Variants in PGM5 observed in about 807,000 individuals in gnomAD.
PGM5 encodes phosphoglucomutase-like protein 5.
PGM5 carries 23 observed loss-of-function variants against 59.2 expected under a neutral mutation model. The ratio of observed to expected loss-of-function variants is 0.39; its 90% CI spans 0.28 to 0.55. The LOEUF (loss-of-function observed/expected upper bound fraction) is 0.55. Among genes scored for constraint, PGM5 ranks in the 20% least tolerant of loss-of-function variants. PGM5 has a pLI of 0.66. For synonymous variants in PGM5, 214 were observed against 286.0 expected, an observed-to-expected ratio of 0.75 and a Z score of 2.54; for missense variants, 574 against 748.3, an observed-to-expected ratio of 0.77 and a Z score of 2.72.
In PGM5 at chr9:68,529,819, T is replaced by C. The variant is rs1825053341; in HGVS notation, c.*163T>C. On this transcript the variant is annotated 3_prime_UTR_variant, in exon 11 of 11. Transcript: ENST00000396396. Reference sequence around the variant, plus strand: ...GGGTGGGAAAAGAAAAAAAATCCATTTGGTTTTGGTTTTGTCCTATTCCTC... The same window carrying C: ...GGGTGGGAAAAGAAAAAAAATCCATCTGGTTTTGGTTTTGTCCTATTCCTC... The C allele has an allele frequency of 5.6e-6, 3 of 536,456 alleles. No individual in the cohort carries two copies. The highest frequency in any genetic ancestry group is 7.7e-5 in the Admixed American group (2 of 25,964). The allele number at this position is 536,456 out of a possible 1,614,324, so 33.2% of individuals were successfully genotyped here.
At chr9:68,504,131 T>A (rs1402902545) in intron 10 of PGM5, among the ~76,000 whole-genome samples, 1 of 152,216 alleles carries the variant, frequency 6.6e-6, no homozygotes, top group Non-Finnish European at 1.5e-5. Flanking sequence ...TTTAATACCA[T>A]TCCACACATC....
At chr9:68,387,965 A>AT (rs1453019558) in intron 4 of PGM5, among the ~76,000 whole-genome samples, 1 of 151,764 alleles carries the variant, frequency 6.6e-6, no homozygotes, top group Non-Finnish European at 1.5e-5. Context: ...AAATTTTTCC[A>AT]TTTTTTCAGC....
chr9:68,434,270 T>C (rs1203518589), intron 6 of PGM5, among the ~76,000 whole-genome samples: 1 of 135,184 alleles, frequency 7.4e-6, no homozygotes, highest in African/African-American at 2.8e-5. Flanking sequence ...TGAGCCAAGA[T>C]TGTGCCACTG....
intron 1 of PGM5, among the ~76,000 whole-genome samples, chr9:68,367,494 T>G (rs4548244): frequency 0.25 from 38,376 of 152,120 alleles, 5,833 homozygotes; most frequent in Admixed American, 0.34. Flanking sequence ...GAGCTCACGG[T>G]GCTTTAAAGT....
chr9:68,415,360 GC>G (rs1195855563), intron 6 of PGM5, among the ~76,000 whole-genome samples: 1 of 149,310 alleles, frequency 6.7e-6, no homozygotes. Context: ...GAAGCCAAAG[GC>G]TGGCAGGATC....
At chr9:68,441,894 CT>C (rs1246920889) in intron 6 of PGM5, among the ~76,000 whole-genome samples, 8 of 152,016 alleles carry the variant, frequency 5.3e-5, no homozygotes, top group Non-Finnish European at 1.0e-4. Flanking sequence ...AAAATCAATA[CT>C]CAGAAGTCAA....
intron 6 of PGM5, among the ~76,000 whole-genome samples, chr9:68,417,481 T>G (rs1823054647): frequency 6.6e-6 from 1 of 152,326 alleles, no homozygotes; most frequent in African/African-American, 2.4e-5. Flanking sequence ...TGATCAATTA[T>G]CCTGGATGAT....
At chr9:68,467,925 C>T (rs1554685950) in intron 7 of PGM5, among the ~76,000 whole-genome samples, 1 of 151,752 alleles carries the variant, frequency 6.6e-6, no homozygotes, top group Non-Finnish European at 1.5e-5. Context: ...TTTCCAAAAA[C>T]TCTATATTCT....
At chr9:68,469,363 A>T (rs2132082226) in intron 7 of PGM5, among the ~76,000 whole-genome samples, 1 of 149,878 alleles carries the variant, frequency 6.7e-6, no homozygotes, top group African/African-American at 2.6e-5. Context: ...TGTTTTTTAA[A>T]AAAAAAATGA....
rs185956038 is a variant in PGM5, at chr9:68,391,466, A to G, written c.698-68A>G. 36 of 1,375,218 alleles carry G rather than the reference A, an allele frequency of 2.6e-5. No homozygotes were observed. In the East Asian group the frequency reaches 8.3e-4, roughly 32 times the overall value. The allele number at this position is 1,375,218 out of a possible 1,614,324, so 85.2% of individuals were successfully genotyped here. The stretch of plus-strand genomic sequence containing the variant: ...GTTATTAAATGGTGTTTCCTGTACT[A>G]TTCAGAACAAAATACTCTGGGGAGA... On this transcript the variant is annotated intron_variant, in intron 4 of 10. Transcript: ENST00000396396.
At chr9:68,525,076 T>G (rs906364819) in intron 10 of PGM5, among the ~76,000 whole-genome samples, 1 of 152,026 alleles carries the variant, frequency 6.6e-6, no homozygotes, top group African/African-American at 2.4e-5. Context: ...CCCAGGAAAA[T>G]TAACTCCCAC....
intron 6 of PGM5, among the ~76,000 whole-genome samples, chr9:68,456,011 G>A (rs1270767346): frequency 6.6e-6 from 1 of 152,202 alleles, no homozygotes; most frequent in Non-Finnish European, 1.5e-5. Flanking sequence ...CTTTCTGATG[G>A]ATAATAGGTT....
At chr9:68,463,244 G>A (rs76659380) in intron 6 of PGM5, among the ~76,000 whole-genome samples, 2,657 of 151,320 alleles carry the variant, frequency 0.018, 26 homozygotes, top group African/African-American at 0.035. Context: ...ACTATGCGGC[G>A]TATTTTATCC....
At chr9:68,420,607 GCTGA>G (rs1406489487) in intron 6 of PGM5, among the ~76,000 whole-genome samples, 2 of 152,178 alleles carry the variant, frequency 1.3e-5, no homozygotes, top group South Asian at 2.1e-4. Context: ...GAATTGAGAG[GCTGA>G]CTATTGCCAG....
chr9:68,422,637 T>A (rs782280288), intron 6 of PGM5, among the ~76,000 whole-genome samples: 8 of 152,082 alleles, frequency 5.3e-5, no homozygotes, highest in Non-Finnish European at 1.0e-4. Flanking sequence ...AGAAGGCATA[T>A]TGTTGATGAG....
At chr9:68,512,703 GC>G (rs1381533318) in intron 10 of PGM5, among the ~76,000 whole-genome samples, 5 of 152,074 alleles carry the variant, frequency 3.3e-5, no homozygotes, top group Non-Finnish European at 7.3e-5. Flanking sequence ...CTCTGTAAAG[GC>G]CCCGTCTTAA....
chr9:68,438,761 G>A (rs975572995), intron 6 of PGM5, among the ~76,000 whole-genome samples: 1 of 152,200 alleles, frequency 6.6e-6, no homozygotes, highest in East Asian at 1.9e-4. Context: ...CTGGAAGCAG[G>A]CATGAATGCA....
chr9:68,358,523 C>T (rs1164953968), intron 1 of PGM5, among the ~76,000 whole-genome samples: 1 of 152,220 alleles, frequency 6.6e-6, no homozygotes, highest in Non-Finnish European at 1.5e-5. Flanking sequence ...GACCCACACT[C>T]ATAGAACTTT....
intron 9 of PGM5, among the ~76,000 whole-genome samples, chr9:68,490,942 T>C (rs1462159542): frequency 6.6e-6 from 1 of 152,228 alleles, no homozygotes; most frequent in Non-Finnish European, 1.5e-5. Flanking sequence ...CGATGTGGGT[T>C]TAAAAAAACC....
Sources: gnomAD v4.1 joint callset for allele counts (sites outside exome capture counted in the v4.1 genomes callset) on GRCh38, gnomAD v4.1.1 for gene constraint, MANE v1.5 for transcripts, NCBI Gene and HGNC (gene_info 2026-07-23, HGNC 2026-07-21) for gene names.